ZBTB7C: variants seen among roughly 807,000 people sequenced by gnomAD.
The protein encoded by ZBTB7C is zinc finger and BTB domain-containing protein 7C.
Under a neutral mutation model 25.7 loss-of-function variants are expected in ZBTB7C, and 8 were observed. The observed-to-expected ratio is 0.31, with a 90% confidence interval of 0.18 to 0.56. The LOEUF is 0.56. Ranked by LOEUF, ZBTB7C falls within the 20% of genes least tolerant of loss-of-function variation. The pLI is 0.91. For synonymous variants in ZBTB7C, 394 were observed against 369.0 expected, an observed-to-expected ratio of 1.07 and a Z score of -0.78; for missense variants, 824 against 855.2, an observed-to-expected ratio of 0.96 and a Z score of 0.46.
chr18:48,361,084 A>G (rs2047094406), intron 1 of ZBTB7C, among the ~76,000 whole-genome samples: 1 of 152,126 alleles, frequency 6.6e-6, no homozygotes, highest in South Asian at 2.1e-4. Context: ...AGGATGGCCA[A>G]GGTCTGCAAT....
chr18:48,284,785 G>A lies in ZBTB7C; in HGVS notation c.-79+53389C>T, dbSNP rs562010830. Among the ~76,000 whole-genome samples the A allele has an allele frequency of 9.5e-4, 97 of 102,474 alleles. 3 individuals are homozygous for A. The highest frequency in any genetic ancestry group is 3.6e-3 in the African/African-American group (87 of 24,440). The allele number at this position is 102,474 out of a possible 152,430, so 67.2% of individuals were successfully genotyped here. A position where few individuals can be genotyped will look rare whatever the true frequency, so the allele number is the denominator to read the frequency against. The stretch of plus-strand genomic sequence containing the variant: ...CAGCCTAGGAAACAGAGTGAGACTC[G>A]GTCTCCAAAAAAAAAAAAAAAAAAA... On this transcript the variant is annotated intron_variant, in intron 2 of 4. Coordinates refer to ENST00000590800, the MANE Select transcript of ZBTB7C (RefSeq NM_001318841.2).
intron 2 of ZBTB7C, among the ~76,000 whole-genome samples, chr18:48,216,754 C>T (rs1490686949): frequency 6.6e-6 from 1 of 152,168 alleles, no homozygotes; most frequent in Non-Finnish European, 1.5e-5. Context: ...GTGGATCCAT[C>T]CCTCCTCTCC....
chr18:48,389,188 A>ATCTC (rs2047820544), intron 1 of ZBTB7C, among the ~76,000 whole-genome samples: 1 of 24,440 alleles, frequency 4.1e-5, no homozygotes, highest in Non-Finnish European at 8.2e-5. Flanking sequence ...AGAGCCCTTT[A>ATCTC]ACTCTCTCTC....
At chr18:48,377,941 G>A (rs2047558781) in intron 1 of ZBTB7C, among the ~76,000 whole-genome samples, 1 of 152,174 alleles carries the variant, frequency 6.6e-6, no homozygotes, top group African/African-American at 2.4e-5. Context: ...GGAGGCCGAG[G>A]TGGGCAGATC....
rs1271698138 is a variant in ZBTB7C, at chr18:48,334,207, C to G, written c.-79+3967G>C. On this transcript the variant is annotated intron_variant, in intron 2 of 4. Transcript: ENST00000590800. ...TCAGGAGGATTGGCTAGAGACCCCCCACACACAACAGGCTGAGGGAAAGTA... is the reference window on the plus strand; with the variant it reads ...TCAGGAGGATTGGCTAGAGACCCCCGACACACAACAGGCTGAGGGAAAGTA... Among the ~76,000 whole-genome samples, 10 of 152,256 alleles carry G rather than the reference C, an allele frequency of 6.6e-5. No homozygotes were observed. In the East Asian group the frequency reaches 1.4e-3, roughly 21 times the overall value.
intron 1 of ZBTB7C, chr18:48,350,440 T>C (rs1432061167): frequency 6.6e-6 from 1 of 152,242 alleles, no homozygotes; most frequent in Non-Finnish European, 1.5e-5. Flanking sequence ...CTTATGCGAC[T>C]AGATTGAGCA....
chr18:48,210,773 T>C, intron 2 of ZBTB7C, among the ~76,000 whole-genome samples: 1 of 152,158 alleles, frequency 6.6e-6, no homozygotes, highest in Non-Finnish European at 1.5e-5. Flanking sequence ...CTAAAAACTA[T>C]TAAATGATAT....
chr18:48,034,731 T>G (rs2035901496), intron 4 of ZBTB7C, among the ~76,000 whole-genome samples: 1 of 152,142 alleles, frequency 6.6e-6, no homozygotes, highest in South Asian at 2.1e-4. Flanking sequence ...CTGGCCCTGG[T>G]CCCCTTGTCT....
chr18:48,068,114 C>T (rs1447989323), intron 3 of ZBTB7C, among the ~76,000 whole-genome samples: 1 of 151,606 alleles, frequency 6.6e-6, no homozygotes, highest in Non-Finnish European at 1.5e-5. Flanking sequence ...AATTCAGTGG[C>T]ACTCAAACTT....
chr18:48,095,513 AC>A (rs1330565303), intron 3 of ZBTB7C, among the ~76,000 whole-genome samples: 6 of 152,182 alleles, frequency 3.9e-5, no homozygotes, highest in African/African-American at 1.4e-4. Flanking sequence ...GGGGTTCGAG[AC>A]CAGCCTGGTC....
intron 3 of ZBTB7C, among the ~76,000 whole-genome samples, chr18:48,135,747 G>C (rs931241088): frequency 2.0e-5 from 3 of 152,122 alleles, no homozygotes; most frequent in Non-Finnish European, 4.4e-5. Flanking sequence ...AAGCCAGCGC[G>C]CCCCTCCCCC....
intron 2 of ZBTB7C, among the ~76,000 whole-genome samples, chr18:48,209,105 G>C (rs550661397): frequency 3.8e-4 from 58 of 152,346 alleles, no homozygotes; most frequent in African/African-American, 1.3e-3. Flanking sequence ...TACAGAGTGA[G>C]ACAGAAAAGA....
intron 2 of ZBTB7C, among the ~76,000 whole-genome samples, chr18:48,240,320 C>A (rs968314181): frequency 3.9e-5 from 6 of 152,106 alleles, no homozygotes; most frequent in African/African-American, 1.4e-4. Context: ...CCTGGCCTTG[C>A]AGACAAATAC....
At chr18:48,348,808 C>T (rs887233473) in intron 1 of ZBTB7C, among the ~76,000 whole-genome samples, 3 of 152,234 alleles carry the variant, frequency 2.0e-5, no homozygotes, top group Non-Finnish European at 2.9e-5. Flanking sequence ...CAAGGCTAGA[C>T]TTTGTATCAA....
At chr18:48,173,172 G>GTCA (rs2041550294) in intron 3 of ZBTB7C, among the ~76,000 whole-genome samples, 8 of 152,164 alleles carry the variant, frequency 5.3e-5, no homozygotes, top group Admixed American at 1.3e-4. Context: ...GAACAGTTCT[G>GTCA]CTGTTAGACC....
intron 4 of ZBTB7C, among the ~76,000 whole-genome samples, chr18:48,033,878 C>G (rs2035859630): frequency 6.6e-6 from 1 of 152,136 alleles, no homozygotes; most frequent in African/African-American, 2.4e-5. Flanking sequence ...TAGATCAGTT[C>G]CCTTCCCTGG....
intron 1 of ZBTB7C, among the ~76,000 whole-genome samples, chr18:48,406,351 A>T (rs1419522115): frequency 6.6e-6 from 1 of 152,046 alleles, no homozygotes; most frequent in African/African-American, 2.4e-5. Context: ...CGGTAATATT[A>T]CTAGGGGGTC....
chr18:48,349,236 C>A (rs1168255760), intron 1 of ZBTB7C, among the ~76,000 whole-genome samples: 1 of 152,126 alleles, frequency 6.6e-6, no homozygotes, highest in Non-Finnish European at 1.5e-5. Flanking sequence ...CATTTTTCCC[C>A]TCAGTATATT....
intron 1 of ZBTB7C, among the ~76,000 whole-genome samples, chr18:48,355,538 T>G (rs2145066447): frequency 6.6e-6 from 1 of 152,278 alleles, no homozygotes; most frequent in Admixed American, 6.5e-5. Context: ...AGCCATTCGC[T>G]TCCGCACTAT....
Sources: gnomAD v4.1 joint callset for allele counts (sites outside exome capture counted in the v4.1 genomes callset) on GRCh38, gnomAD v4.1.1 for gene constraint, MANE v1.5 for transcripts, NCBI Gene and HGNC (gene_info 2026-07-23, HGNC 2026-07-21) for gene names.